The following SEL1L2 variants were observed in gnomAD, a reference collection of about 807,000 sequenced individuals.
SEL1L2 encodes protein sel-1 homolog 2.
In SEL1L2, 89 loss-of-function variants were observed where a neutral mutation model predicts 98.8. The observed-to-expected ratio is 0.90, with a 90% CI of 0.76 to 1.07. The LOEUF is 1.07. Among genes scored for constraint, SEL1L2 ranks in the 50% least tolerant of loss-of-function variants. The probability of loss-of-function intolerance (pLI) is 0.00; values close to 1 mark genes in which losing one functional copy is unlikely to be tolerated. For synonymous variants in SEL1L2, 262 were observed against 278.5 expected (o/e 0.94, Z 0.59); for missense variants, 788 against 812.0 (o/e 0.97, Z 0.36).
At chr20:13,929,966 A>T (rs6042434) in intron 3 of SEL1L2, among the ~76,000 whole-genome samples, 146,983 of 152,282 alleles carry the variant, frequency 0.97, 71,046 homozygotes, top group East Asian at 1. Flanking sequence ...ATTTTTTGTA[A>T]TTTTGGTAGA....
At chr20:13,916,519 C>A (rs1175561022) in intron 4 of SEL1L2, among the ~76,000 whole-genome samples, 1 of 152,138 alleles carries the variant, frequency 6.6e-6, no homozygotes, top group Non-Finnish European at 1.5e-5. Flanking sequence ...TCAAAAGGGT[C>A]AGGAGGCTGG....
chr20:13,909,862 C>T (rs998745396), intron 5 of SEL1L2, among the ~76,000 whole-genome samples: 25 of 152,120 alleles, frequency 1.6e-4, no homozygotes, highest in African/African-American at 5.8e-4. Context: ...TCCAGTTACT[C>T]AGGAGGCTGA....
intron 5 of SEL1L2, among the ~76,000 whole-genome samples, chr20:13,902,709 G>A (rs1253739575): frequency 9.0e-5 from 4 of 44,366 alleles, no homozygotes; most frequent in African/African-American, 2.5e-4. Flanking sequence ...CTTTTTAGTA[G>A]AAGAAAAAAC....
At chr20:13,950,683 C>A (rs956643123) in intron 2 of SEL1L2, among the ~76,000 whole-genome samples, 1 of 152,130 alleles carries the variant, frequency 6.6e-6, no homozygotes, top group Admixed American at 6.5e-5. Flanking sequence ...TGAGCTGCTA[C>A]GATTCATGAA....
upstream of SEL1L2, among the ~76,000 whole-genome samples, chr20:13,993,073 G>A (rs547149362): frequency 6.6e-6 from 1 of 152,274 alleles, no homozygotes; most frequent in African/African-American, 2.4e-5. Flanking sequence ...GAGAAGACGT[G>A]ATCACTTCTG....
chr20:13,947,841 C>T (rs1428581635), intron 2 of SEL1L2, among the ~76,000 whole-genome samples: 1 of 152,252 alleles, frequency 6.6e-6, no homozygotes, highest in East Asian at 1.9e-4. Context: ...TTGCATGAAG[C>T]TGTTGCCTAT....
chr20:13,957,308 G>A (rs960563303), intron 1 of SEL1L2, among the ~76,000 whole-genome samples: 4 of 152,110 alleles, frequency 2.6e-5, no homozygotes, highest in African/African-American at 9.7e-5. Context: ...TGCCATGTTA[G>A]CCAGGCTGGT....
intron 17 of SEL1L2, among the ~76,000 whole-genome samples, chr20:13,862,581 G>A (rs1434365716): frequency 1.3e-5 from 2 of 152,118 alleles, no homozygotes; most frequent in African/African-American, 4.8e-5. Flanking sequence ...TAATCTTCTA[G>A]AATCTTCTAT....
At chr20:13,857,228 C>A (rs1989306427) in intron 18 of SEL1L2, among the ~76,000 whole-genome samples, 1 of 146,062 alleles carries the variant, frequency 6.8e-6, no homozygotes, top group Admixed American at 6.8e-5. Flanking sequence ...AATGTAGAGA[C>A]TTTCTGTAGG....
Position 13,859,476 on chromosome 20 carries a change from A to ATTCATG in SEL1L2, c.1646-48_1646-43dup, listed in dbSNP as rs1348840765. The ATTCATG allele has an allele frequency of 7.2e-6, 11 of 1,531,736 alleles. No homozygotes were observed. The South Asian group carries it at 1.2e-4, about 16-fold the overall frequency. The allele number at this position is 1,531,736 out of a possible 1,614,324, so 94.9% of individuals were successfully genotyped here. A position where few individuals can be genotyped will look rare whatever the true frequency, so the allele number is the denominator to read the frequency against. On this transcript the variant is annotated intron_variant, in intron 17 of 19. Coordinates refer to ENST00000284951, the MANE Select transcript of SEL1L2 (RefSeq NM_025229.2). ...AGAAAAAAGAATCATAACTCAAATG[A>ATTCATG]TTCATGTATAGTTCTCAGGAATTCA...
chr20:13,917,741 C>T (rs1174642487), intron 4 of SEL1L2, among the ~76,000 whole-genome samples: 1 of 148,732 alleles, frequency 6.7e-6, no homozygotes, highest in Non-Finnish European at 1.5e-5. Flanking sequence ...AGAGATGTCT[C>T]CTTGTTGGGG....
intron 1 of SEL1L2, among the ~76,000 whole-genome samples, chr20:13,967,188 A>G (rs2051087198): frequency 6.6e-6 from 1 of 152,002 alleles, no homozygotes; most frequent in Admixed American, 6.6e-5. Context: ...GCCAAAACCT[A>G]TCTTTTTAAA....
chr20:13,949,548 C>G (rs1007282924), intron 2 of SEL1L2, among the ~76,000 whole-genome samples: 9 of 152,132 alleles, frequency 5.9e-5, no homozygotes, highest in African/African-American at 2.2e-4. Flanking sequence ...CCTGTAGTCC[C>G]AGCTATCGGG....
At chr20:13,971,354 T>C (rs2051274920) in intron 1 of SEL1L2, among the ~76,000 whole-genome samples, 2 of 152,190 alleles carry the variant, frequency 1.3e-5, no homozygotes, top group Admixed American at 1.3e-4. Flanking sequence ...TTACCAAGCA[T>C]TTGAATCTAT....
intron 1 of SEL1L2, among the ~76,000 whole-genome samples, chr20:13,966,879 CTTTTTTTTTT>C (rs35292120): frequency 9.6e-6 from 1 of 104,138 alleles, no homozygotes; most frequent in Non-Finnish European, 1.8e-5. Context: ...AGAGACCTGT[CTTTTTTTTTT>C]TTTTTTTTTT....
At chr20:13,978,066 AC>A (rs1167618971) in intron 1 of SEL1L2, among the ~76,000 whole-genome samples, 8 of 152,206 alleles carry the variant, frequency 5.3e-5, no homozygotes, top group Non-Finnish European at 8.8e-5. Flanking sequence ...AGCAAAAAGA[AC>A]AAAGCTAGAG....
At chr20:13,874,935 G>A (rs1444937049) in intron 12 of SEL1L2, among the ~76,000 whole-genome samples, 2 of 152,202 alleles carry the variant, frequency 1.3e-5, no homozygotes, top group Non-Finnish European at 2.9e-5. Context: ...AGAGCAGGCC[G>A]ATGGGTGTGG....
chr20:13,875,793 T>G (rs1408212489), intron 12 of SEL1L2, among the ~76,000 whole-genome samples: 1 of 152,194 alleles, frequency 6.6e-6, no homozygotes, highest in Non-Finnish European at 1.5e-5. Flanking sequence ...CTGGCTGAAC[T>G]TCTGTCTGGC....
At chr20:13,905,376 T>C (rs1172203460) in intron 5 of SEL1L2, among the ~76,000 whole-genome samples, 4 of 149,686 alleles carry the variant, frequency 2.7e-5, no homozygotes, top group African/African-American at 4.9e-5. Context: ...TGCAGTGGCG[T>C]GATCTCAGCT....
Sources: gnomAD v4.1 joint callset for allele counts (sites outside exome capture counted in the v4.1 genomes callset) on GRCh38, gnomAD v4.1.1 for gene constraint, MANE v1.5 for transcripts, NCBI Gene and HGNC (gene_info 2026-07-23, HGNC 2026-07-21) for gene names.